SLC35F1: variants seen among roughly 807,000 people sequenced by gnomAD.
SLC35F1 encodes chromosome 6 open reading frame 169.
In SLC35F1, 14 loss-of-function variants were observed where a neutral mutation model predicts 48.7. The ratio of observed to expected loss-of-function variants is 0.29; its 90% confidence interval spans 0.19 to 0.45. SLC35F1 has a LOEUF of 0.45. SLC35F1 is among the 20% of genes least tolerant of loss of function. SLC35F1 has a pLI of 1.00. For synonymous variants in SLC35F1, 190 were observed against 202.2 expected, an observed-to-expected ratio of 0.94 and a Z score of 0.51; for missense variants, 404 against 500.0, an observed-to-expected ratio of 0.81 and a Z score of 1.83.
At chr6:118,078,735 T>C (rs1772861014) in intron 1 of SLC35F1, among the ~76,000 whole-genome samples, 1 of 152,108 alleles carries the variant, frequency 6.6e-6, no homozygotes. Flanking sequence ...ACCAAGATGG[T>C]GTCAAGGTGC....
In SLC35F1 at chr6:118,272,767, A is replaced by ATATATATATATG. The variant is rs1289997076; in HGVS notation, c.638-2682_638-2681insTGTATATATATA. On this transcript the variant is annotated intron_variant, in intron 4 of 7. Transcript: ENST00000360388. ...TATATATACATATATATATATATGT[A>ATATATATATATG]TATATATATACCATTTTTTAGCATA... Among the ~76,000 whole-genome samples, 397 of 135,882 alleles carry ATATATATATATG rather than the reference A, an allele frequency of 2.9e-3. 3 individuals are homozygous for ATATATATATATG. The highest frequency in any genetic ancestry group is 0.011 in the African/African-American group (384 of 34,150). The allele number at this position is 135,882 out of a possible 152,430, so 89.1% of individuals were successfully genotyped here.
At chr6:118,019,772 G>T (rs965379397) in intron 1 of SLC35F1, among the ~76,000 whole-genome samples, 7 of 152,162 alleles carry the variant, frequency 4.6e-5, no homozygotes, top group African/African-American at 1.7e-4. Context: ...GGGAGAAGAG[G>T]GAAGAAAGAG....
intron 1 of SLC35F1, among the ~76,000 whole-genome samples, chr6:117,997,858 T>A (rs1278286492): frequency 1.3e-5 from 2 of 152,134 alleles, no homozygotes; most frequent in African/African-American, 4.8e-5. Context: ...AGGAAGAAAC[T>A]GCATCAACTA....
intron 1 of SLC35F1, among the ~76,000 whole-genome samples, chr6:117,979,738 G>A (rs1029368075): frequency 6.6e-6 from 1 of 152,146 alleles, no homozygotes; most frequent in Non-Finnish European, 1.5e-5. Context: ...TGTTGTAGGA[G>A]AAAAGAGAAA....
chr6:118,049,561 A>G (rs2114908731), intron 1 of SLC35F1, among the ~76,000 whole-genome samples: 1 of 151,946 alleles, frequency 6.6e-6, no homozygotes, highest in South Asian at 2.1e-4. Flanking sequence ...AAAGGATATG[A>G]ACAGACACTT....
intron 1 of SLC35F1, among the ~76,000 whole-genome samples, chr6:117,991,969 G>C (rs774561183): frequency 1.3e-5 from 2 of 151,540 alleles, no homozygotes; most frequent in Admixed American, 6.6e-5. Context: ...ATTTATTTTT[G>C]TTGGGAAAAT....
chr6:118,223,773 C>T lies in SLC35F1; in HGVS notation c.350-11736C>T, dbSNP rs941825099. Among the ~76,000 whole-genome samples the T allele has an allele frequency of 2.0e-5, 3 of 152,178 alleles. No homozygotes were observed. In the South Asian group the frequency reaches 6.2e-4, roughly 32 times the overall value. ...CCATGTTGGTTCTAACCTATGTGTC[C>T]ACCATGACAGATGCTCTCATGTCAG... On this transcript the variant is annotated intron_variant, in intron 2 of 7. Coordinates refer to ENST00000360388, the MANE Select transcript of SLC35F1 (RefSeq NM_001029858.4).
At chr6:117,969,468 A>AT (rs552593646) in intron 1 of SLC35F1, among the ~76,000 whole-genome samples, 408 of 152,328 alleles carry the variant, frequency 2.7e-3, no homozygotes, top group African/African-American at 9.5e-3. Context: ...AATGAAAAGT[A>AT]TAAAAACAAA....
chr6:118,136,216 T>C (rs192480785), intron 1 of SLC35F1, among the ~76,000 whole-genome samples: 26 of 152,302 alleles, frequency 1.7e-4, no homozygotes, highest in African/African-American at 5.3e-4. Flanking sequence ...TACATTTACA[T>C]TGGAGTATTT....
chr6:118,165,706 A>G (rs1033343241), intron 2 of SLC35F1, among the ~76,000 whole-genome samples: 4 of 152,210 alleles, frequency 2.6e-5, no homozygotes, highest in African/African-American at 7.2e-5. Context: ...GTACATGTCA[A>G]CTGCAGAAGG....
intron 4 of SLC35F1, among the ~76,000 whole-genome samples, chr6:118,267,787 A>C (rs552558232): frequency 3.3e-5 from 5 of 152,318 alleles, no homozygotes; most frequent in South Asian, 2.1e-4. Flanking sequence ...CCATAAGGTA[A>C]AGCTGCATGA....
intron 1 of SLC35F1, among the ~76,000 whole-genome samples, chr6:117,970,507 C>A (rs776096259): frequency 5.9e-5 from 9 of 152,172 alleles, no homozygotes; most frequent in Non-Finnish European, 1.3e-4. Flanking sequence ...TCCTTGTGGA[C>A]TGGGGAGGTG....
chr6:118,300,062 A>G (rs1164382585), intron 7 of SLC35F1, among the ~76,000 whole-genome samples: 1 of 152,214 alleles, frequency 6.6e-6, no homozygotes, highest in Non-Finnish European at 1.5e-5. Flanking sequence ...TGTTAGTACA[A>G]TCAGCCCTCT....
intron 1 of SLC35F1, among the ~76,000 whole-genome samples, chr6:117,926,327 T>C (rs1364650114): frequency 1.3e-5 from 2 of 152,180 alleles, no homozygotes; most frequent in Admixed American, 1.3e-4. Flanking sequence ...ACCGTAATTA[T>C]AAGTTTCCTG....
intron 3 of SLC35F1, among the ~76,000 whole-genome samples, chr6:118,250,470 A>C (rs1234658393): frequency 6.6e-6 from 1 of 152,242 alleles, no homozygotes; most frequent in Non-Finnish European, 1.5e-5. Context: ...AGAAAAGAGA[A>C]AAATTCCTGC....
chr6:118,304,105 T>A (rs1454180802), intron 7 of SLC35F1, among the ~76,000 whole-genome samples: 18 of 152,170 alleles, frequency 1.2e-4, no homozygotes. Context: ...ATTGCTAGAG[T>A]TACTCATATA....
At chr6:117,918,218 C>T (rs1415606587) in intron 1 of SLC35F1, among the ~76,000 whole-genome samples, 5 of 151,324 alleles carry the variant, frequency 3.3e-5, no homozygotes, top group Admixed American at 6.6e-5. Context: ...TAAGGAGAGT[C>T]TTTTAATGGG....
intron 1 of SLC35F1, among the ~76,000 whole-genome samples, chr6:118,143,617 T>C (rs755461180): frequency 2.0e-5 from 3 of 152,214 alleles, no homozygotes; most frequent in Admixed American, 1.3e-4. Flanking sequence ...CTGAGATGCA[T>C]GTTAACAATA....
At chr6:117,924,073 A>G (rs1236377804) in intron 1 of SLC35F1, among the ~76,000 whole-genome samples, 1 of 150,116 alleles carries the variant, frequency 6.7e-6, no homozygotes, top group Non-Finnish European at 1.5e-5. Flanking sequence ...ATAGGTACAC[A>G]TGCATATGTA....
Sources: gnomAD v4.1 joint callset for allele counts (sites outside exome capture counted in the v4.1 genomes callset) on GRCh38, gnomAD v4.1.1 for gene constraint, MANE v1.5 for transcripts, NCBI Gene and HGNC (gene_info 2026-07-23, HGNC 2026-07-21) for gene names.